The following SLC24A2 variants were observed in gnomAD, a reference collection of about 807,000 sequenced individuals.
SLC24A2 encodes sodium/potassium/calcium exchanger 2.
In SLC24A2, 36 loss-of-function variants were observed where a neutral mutation model predicts 62.0. That is an observed-to-expected ratio of 0.58 (90% confidence interval 0.44 to 0.77). The LOEUF is 0.77. SLC24A2 is among the 30% of genes least tolerant of loss of function. SLC24A2 has a pLI of 0.00. For synonymous variants in SLC24A2, 358 were observed against 294.0 expected, an observed-to-expected ratio of 1.22 and a Z score of -2.23; for missense variants, 846 against 817.9, an observed-to-expected ratio of 1.03 and a Z score of -0.42.
chr9:19,628,252 C>G (rs1395016453), intron 2 of SLC24A2, among the ~76,000 whole-genome samples: 1 of 152,160 alleles, frequency 6.6e-6, no homozygotes, highest in Non-Finnish European at 1.5e-5. Flanking sequence ...TCCTCAGCTG[C>G]TTGTGTCACT....
At chr9:19,664,319 G>A (rs1819187203) in intron 2 of SLC24A2, among the ~76,000 whole-genome samples, 2 of 152,212 alleles carry the variant, frequency 1.3e-5, no homozygotes, top group South Asian at 4.1e-4. Context: ...TAGAATAGAA[G>A]TTAGCTTACA....
intron 9 of SLC24A2, among the ~76,000 whole-genome samples, chr9:19,524,203 C>T (rs1833328627): frequency 6.7e-6 from 1 of 150,238 alleles, no homozygotes. Flanking sequence ...ATGCTGCTCC[C>T]AATATTTTGT....
At chr9:19,530,497 C>T (rs1833651001) in intron 8 of SLC24A2, among the ~76,000 whole-genome samples, 1 of 152,150 alleles carries the variant, frequency 6.6e-6, no homozygotes, top group African/African-American at 2.4e-5. Flanking sequence ...AACTTTGTAC[C>T]TCTGCCTGTT....
intron 4 of SLC24A2, among the ~76,000 whole-genome samples, chr9:19,604,265 G>C (rs902198532): frequency 6.6e-6 from 1 of 152,148 alleles, no homozygotes; most frequent in Admixed American, 6.6e-5. Context: ...CCATGGGGTG[G>C]TCTTGACTCT....
At chr9:20,279,935 A>G in the SLC24A2 span, among the ~76,000 whole-genome samples, 2 of 152,220 alleles carry the variant, frequency 1.3e-5, no homozygotes, top group African/African-American at 4.8e-5. Context: ...AAAACCACTG[A>G]GGATCAGGAC....
the SLC24A2 span, among the ~76,000 whole-genome samples, chr9:20,082,059 G>C: frequency 6.6e-6 from 1 of 152,170 alleles, no homozygotes; most frequent in Non-Finnish European, 1.5e-5. Flanking sequence ...TGAGGTGAGT[G>C]AATTTCATGC....
chr9:19,820,292 T>A, the SLC24A2 span, among the ~76,000 whole-genome samples: 1 of 141,614 alleles, frequency 7.1e-6, no homozygotes. Context: ...GGGGGAAGAG[T>A]GGGAGGGGGC....
At chr9:20,206,865 A>G in the SLC24A2 span, among the ~76,000 whole-genome samples, 1 of 73,836 alleles carries the variant, frequency 1.4e-5, no homozygotes. Flanking sequence ...TAACCCTCAT[A>G]AAAAAAAAAC....
rs545227021 is a variant in SLC24A2 at position 19,508,088 on chromosome 9, A to G, written c.*8065T>C. On this transcript the variant is annotated 3_prime_UTR_variant, in exon 11 of 11. Coordinates refer to ENST00000341998, the MANE Select transcript of SLC24A2 (RefSeq NM_020344.4). Reference sequence around the variant, plus strand: ...CTGAATCAGGAAGGTAGCTTTTGCTATTCTTAGCTTTGATGGCTTTTTAAG... The same window carrying G: ...CTGAATCAGGAAGGTAGCTTTTGCTGTTCTTAGCTTTGATGGCTTTTTAAG... 6 of 152,352 alleles carry G rather than the reference A, an allele frequency of 3.9e-5. No homozygotes were observed. The highest frequency in any genetic ancestry group is 2.1e-4 in the South Asian group (1 of 4,824). The allele number at this position is 152,352 out of a possible 1,614,324, so 9.4% of individuals were successfully genotyped here. A position where few individuals can be genotyped will look rare whatever the true frequency, so the allele number is the denominator to read the frequency against.
chr9:19,990,922 G>GATATATATGTGTGTATATATAT, the SLC24A2 span, among the ~76,000 whole-genome samples: 1 of 120,812 alleles, frequency 8.3e-6, no homozygotes, highest in Non-Finnish European at 1.6e-5. Flanking sequence ...GGACTAATAG[G>GATATATATGTGTGTATATATAT]ATATATATAT....
the SLC24A2 span, among the ~76,000 whole-genome samples, chr9:20,206,344 A>G: frequency 6.6e-6 from 1 of 152,248 alleles, no homozygotes; most frequent in Non-Finnish European, 1.5e-5. Context: ...TGAGAATTCA[A>G]CACCTATTAA....
At chr9:19,714,742 GT>G (rs1820810853) in intron 2 of SLC24A2, among the ~76,000 whole-genome samples, 1 of 152,150 alleles carries the variant, frequency 6.6e-6, no homozygotes, top group African/African-American at 2.4e-5. Flanking sequence ...TCATGTCACA[GT>G]TATCCATTTT....
At chr9:19,674,385 G>C (rs1011141652) in intron 2 of SLC24A2, among the ~76,000 whole-genome samples, 1 of 152,236 alleles carries the variant, frequency 6.6e-6, no homozygotes, top group Non-Finnish European at 1.5e-5. Flanking sequence ...GGTGTTCTTT[G>C]AGCTTCTTGT....
At chr9:19,622,172 T>A (rs1205428466) in intron 3 of SLC24A2, 89 bp downstream of exon 3, 12 of 1,024,624 alleles carry the variant, frequency 1.2e-5, no homozygotes, top group Admixed American at 3.6e-5. Context: ...GAGTAATGTG[T>A]TGAGCACACA....
chr9:19,998,280 G>C, the SLC24A2 span, among the ~76,000 whole-genome samples: 3 of 152,180 alleles, frequency 2.0e-5, no homozygotes, highest in East Asian at 5.8e-4. Flanking sequence ...CTTCCATTCA[G>C]ACCCATTCAG....
chr9:20,019,121 GAA>G, the SLC24A2 span, among the ~76,000 whole-genome samples: 2 of 73,938 alleles, frequency 2.7e-5, no homozygotes, highest in African/African-American at 1.2e-4. Context: ...AAGAAAGAAA[GAA>G]AGAAAGAAAG....
At chr9:20,219,430 A>G in the SLC24A2 span, among the ~76,000 whole-genome samples, 2 of 152,202 alleles carry the variant, frequency 1.3e-5, no homozygotes, top group Non-Finnish European at 2.9e-5. Context: ...GCTGAATTGT[A>G]CTTCTACAGC....
At chr9:19,788,639 G>A in intron 1 of SLC24A2, 2 of 982,604 alleles carry the variant, frequency 2.0e-6, no homozygotes, top group Non-Finnish European at 2.4e-6. Context: ...CGTCTCCCCC[G>A]ACGGCAGGCC....
At chr9:19,869,090 T>C in the SLC24A2 span, among the ~76,000 whole-genome samples, 2 of 152,130 alleles carry the variant, frequency 1.3e-5, no homozygotes, top group Non-Finnish European at 2.9e-5. Flanking sequence ...CAAGTGATCC[T>C]CTGGCCTCAG....
Sources: allele counts gnomAD v4.1 joint callset (sites outside exome capture counted in the v4.1 genomes callset), GRCh38; gene constraint gnomAD v4.1.1; transcripts MANE v1.5; gene names NCBI Gene and HGNC (gene_info 2026-07-23, HGNC 2026-07-21).